IQCH: variants seen among roughly 807,000 people sequenced by gnomAD.
IQCH encodes the protein IQ domain-containing protein H.
A neutral mutation model predicts 117.0 loss-of-function variants in IQCH; 98 were observed. The ratio of observed to expected loss-of-function variants is 0.84; its 90% CI spans 0.71 to 0.99. The LOEUF is 0.99. IQCH is among the 50% of genes least tolerant of loss of function. The pLI is 0.00. For synonymous variants in IQCH, 412 were observed against 448.2 expected (o/e 0.92, Z 1.02); for missense variants, 1,102 against 1,243.8 (o/e 0.89, Z 1.72).
intron 20 of IQCH, among the ~76,000 whole-genome samples, chr15:67,499,297 C>CAAAAAAAAAAA (rs59618730): frequency 4.1e-5 from 2 of 49,154 alleles, no homozygotes; most frequent in Non-Finnish European, 3.5e-5. Flanking sequence ...AGACCTGTCC[C>CAAAAAAAAAAA]AAAAAAAAAA....
chr15:67,445,659 G>A lies in IQCH; in HGVS notation c.2506-19468G>A, dbSNP rs556641481. Among the ~76,000 whole-genome samples the A allele has an allele frequency of 9.7e-4, 148 of 152,238 alleles. No individual in the cohort carries two copies. Among genetic ancestry groups the A allele is most frequent in the African/African-American group, 3.4e-3 (141 of 41,534 alleles). ...TCACCATGTTGGCCAGGCTGGTCTC[G>A]AACTCCTGACCTGGTGATCCATCTG... is the stretch of plus-strand genomic sequence containing the variant. On this transcript the variant is annotated intron_variant, in intron 16 of 20. Coordinates refer to ENST00000335894, the MANE Select transcript of IQCH (RefSeq NM_001031715.3). This position sits in a 1 kb window ranked among gnomAD's most constrained non-coding sequence, Gnocchi z 4.3.
chr15:67,398,494 T>C (rs948399656), intron 13 of IQCH, among the ~76,000 whole-genome samples: 2 of 152,106 alleles, frequency 1.3e-5, no homozygotes, highest in African/African-American at 4.8e-5. Context: ...GCTAAGACAA[T>C]TTTAATTTTC....
At chr15:67,480,136 C>T (rs995544776) in intron 18 of IQCH, among the ~76,000 whole-genome samples, 1 of 152,206 alleles carries the variant, frequency 6.6e-6, no homozygotes, top group African/African-American at 2.4e-5. Flanking sequence ...TCCTAAATAG[C>T]TCCACAGTCA....
intron 6 of IQCH, among the ~76,000 whole-genome samples, chr15:67,350,194 G>A (rs916944657): frequency 6.6e-6 from 1 of 152,114 alleles, no homozygotes; most frequent in Admixed American, 6.5e-5. Context: ...CTCTAAAAAG[G>A]AACTAATTGC....
rs369310355 is a variant in IQCH at position 67,400,180 on chromosome 15, G to C, written c.1972G>C (p.Asp658His). Residue 658 changes from aspartate to histidine, a missense_variant, in exon 14 of 21, where the codon GAC becomes CAC. Asp to His is a moderately conservative substitution (Grantham distance 81). Coordinates refer to ENST00000335894, the MANE Select transcript of IQCH (RefSeq NM_001031715.3). ...AATACAGCGTTGGCTCTTTAAAATG[G>C]ACTCTGAGTTCCGAGGAAATGGGAC... ...LQIQRWLFKM[D>H]SEFRGNGTAF... 4.4e-5 allele frequency: 71 copies of C among 1,613,712 alleles called. No individual in the cohort carries two copies. Among genetic ancestry groups the C allele is most frequent in the Non-Finnish European group, 5.8e-5 (68 of 1,179,828 alleles).
intron 4 of IQCH, among the ~76,000 whole-genome samples, chr15:67,329,878 G>T (rs948955719): frequency 1.6e-4 from 25 of 151,970 alleles, no homozygotes; most frequent in African/African-American, 6.0e-4. Flanking sequence ...ATATATGTGT[G>T]TGTGTGTGTC....
rs149193205 is a variant in IQCH at position 67,276,025 on chromosome 15, C to G, written c.270-3370C>G. Among the ~76,000 whole-genome samples, 179 of 152,162 alleles carry G rather than the reference C, an allele frequency of 1.2e-3. 1 individual carries two copies. The highest frequency in any genetic ancestry group is 4.2e-3 in the African/African-American group (173 of 41,506). Reference sequence around the variant, plus strand: ...ATAACTTTGGATATACCTTAAGTATCAACAGTAAAAGAATTATTAAATTCA... The same window carrying G: ...ATAACTTTGGATATACCTTAAGTATGAACAGTAAAAGAATTATTAAATTCA... On this transcript the variant is annotated intron_variant, in intron 3 of 20. Transcript: ENST00000335894.
chr15:67,421,295 T>C lies in IQCH; in HGVS notation c.2223T>C (p.Gly741=), dbSNP rs374589616. The stretch of plus-strand genomic sequence containing the variant: ...ACTCCATGTTTTTCCCACCAGGGGG[T>C]GTGATCGAAGCATTCCCACCTGCAG... The part of the protein sequence containing the change: ...KFLQTFLSQG[G]VIEAFPPADN... Residue 741 remains glycine (G), a synonymous_variant, in exon 16 of 21, where the codon GGT becomes GGC. Transcript: ENST00000335894. 17 of 1,612,400 alleles carry C rather than the reference T, an allele frequency of 1.1e-5. No homozygotes were observed. In the African/African-American group the frequency reaches 2.3e-4, roughly 22 times the overall value.
chr15:67,335,246 A>G (rs966477857), intron 4 of IQCH, among the ~76,000 whole-genome samples: 4 of 152,164 alleles, frequency 2.6e-5, no homozygotes, highest in African/African-American at 9.7e-5. Context: ...CCTTTGTGTC[A>G]TCCTTTATGT....
At chr15:67,461,505 C>G (rs908268502) in intron 16 of IQCH, among the ~76,000 whole-genome samples, 6 of 152,170 alleles carry the variant, frequency 3.9e-5, no homozygotes, top group Non-Finnish European at 7.4e-5. Flanking sequence ...CCCCTGTGCA[C>G]AAAACAAGCA....
In IQCH at chr15:67,404,587, T is replaced by C. The variant is rs1477888904; in HGVS notation, c.2097+4282T>C. On this transcript the variant is annotated intron_variant, in intron 14 of 20. Coordinates refer to ENST00000335894, the MANE Select transcript of IQCH (RefSeq NM_001031715.3). This position sits in a 1 kb window ranked among gnomAD's most constrained non-coding sequence, Gnocchi z 4.6. ...AGTTGTTTTCATTTTTGTATATTAATTTCTAAATATGCAGTATTTCTTTCT... is the reference window on the plus strand; with the variant it reads ...AGTTGTTTTCATTTTTGTATATTAACTTCTAAATATGCAGTATTTCTTTCT... 6 of 152,240 alleles carry C rather than the reference T, an allele frequency of 3.9e-5. No individual in the cohort carries two copies. Among genetic ancestry groups the C allele is most frequent in the Non-Finnish European group, 7.3e-5 (5 of 68,044 alleles). 9.4% of individuals were successfully genotyped at this position (152,240 alleles called of 1,614,324 possible). A position where few individuals can be genotyped will look rare whatever the true frequency, so the allele number is the denominator to read the frequency against.
intron 3 of IQCH, among the ~76,000 whole-genome samples, chr15:67,267,784 A>G (rs952438248): frequency 6.6e-6 from 1 of 152,190 alleles, no homozygotes; most frequent in Non-Finnish European, 1.5e-5. Context: ...GCTTCACTTT[A>G]TCTATGGAAA....
intron 4 of IQCH, among the ~76,000 whole-genome samples, chr15:67,331,580 C>T (rs955341660): frequency 2.0e-5 from 3 of 152,006 alleles, no homozygotes; most frequent in African/African-American, 7.2e-5. Flanking sequence ...AATAGATATA[C>T]CTATTAGTTT....
At chr15:67,343,311 A>T (rs1441659528) in intron 5 of IQCH, among the ~76,000 whole-genome samples, 1 of 152,220 alleles carries the variant, frequency 6.6e-6, no homozygotes, top group Non-Finnish European at 1.5e-5. Context: ...TATTGCAAGT[A>T]GTCCCCAAGT....
chr15:67,459,348 TAGG>T lies in IQCH; in HGVS notation c.2506-5776_2506-5774del, dbSNP rs964827084. Among the ~76,000 whole-genome samples, 3 of 152,166 alleles carry T rather than the reference TAGG, an allele frequency of 2.0e-5. No homozygotes were observed. The highest frequency in any genetic ancestry group is 2.9e-5 in the Non-Finnish European group (2 of 68,034). On this transcript the variant is annotated intron_variant, in intron 16 of 20. Coordinates refer to ENST00000335894, the MANE Select transcript of IQCH (RefSeq NM_001031715.3). This position sits in a 1 kb window ranked among gnomAD's most constrained non-coding sequence, Gnocchi z 4.2. ...AGTCCCATACGTGCCCTGATGCCCA[TAGG>T]AGAAGGGTGGCAAGAGGCAACACTA...
intron 1 of IQCH, among the ~76,000 whole-genome samples, chr15:67,257,770 G>T (rs1194489516): frequency 6.6e-6 from 1 of 152,178 alleles, no homozygotes; most frequent in Non-Finnish European, 1.5e-5. Flanking sequence ...CTGATCTTAT[G>T]ATTCAAAATT....
intron 4 of IQCH, among the ~76,000 whole-genome samples, chr15:67,320,259 A>G (rs1050867856): frequency 6.6e-6 from 1 of 152,270 alleles, no homozygotes; most frequent in Non-Finnish European, 1.5e-5. Flanking sequence ...CCCAGCCAGT[A>G]TTTAAACAAA....
rs1204488438 is a variant in IQCH at position 67,357,427 on chromosome 15, T to C, written c.714+6T>C. 6.5e-7 allele frequency: 1 copy of C among 1,543,160 alleles called. No homozygotes were observed. Among genetic ancestry groups the C allele is most frequent in the African/African-American group, 1.4e-5 (1 of 73,572 alleles). On this transcript the variant is annotated splice_donor_region_variant and intron_variant, in intron 7 of 20. Coordinates refer to ENST00000335894, the MANE Select transcript of IQCH (RefSeq NM_001031715.3). ...CCAAGAAACAAAGATCAAAGGTATTTATATTCCTCACTATAGAAAGAAAAT... is the reference window on the plus strand; with the variant it reads ...CCAAGAAACAAAGATCAAAGGTATTCATATTCCTCACTATAGAAAGAAAAT...
chr15:67,263,896 C>A (rs1423612129), intron 3 of IQCH, among the ~76,000 whole-genome samples: 1 of 152,220 alleles, frequency 6.6e-6, no homozygotes, highest in African/African-American at 2.4e-5. Flanking sequence ...TTTTTACACA[C>A]AGGCCTCCTG....
Sources: gnomAD v4.1 joint callset for allele counts (sites outside exome capture counted in the v4.1 genomes callset) on GRCh38, gnomAD v4.1.1 for gene constraint, Gnocchi (gnomAD v3.1) non-coding constraint, MANE v1.5 for transcripts, NCBI Gene and HGNC (gene_info 2026-07-23, HGNC 2026-07-21) for gene names.